The following RELN variants were observed in gnomAD, a reference collection of about 807,000 sequenced individuals.
The protein encoded by RELN is reelin.
Under a neutral mutation model 427.6 loss-of-function variants are expected in RELN, and 108 were observed. The observed-to-expected ratio is 0.25, with a 90% CI of 0.22 to 0.30. The LOEUF is 0.30. RELN is among the 10% of genes least tolerant of loss of function. RELN has a pLI of 1.00. For missense variants in RELN, 3,715 were observed against 4,302.8 expected, an observed-to-expected ratio of 0.86 and a Z score of 3.82; for synonymous variants, 1,524 against 1,513.4, an observed-to-expected ratio of 1.01 and a Z score of -0.16.
chr7:103,731,783 G>A (rs1286907178), intron 6 of RELN, among the ~76,000 whole-genome samples: 1 of 152,054 alleles, frequency 6.6e-6, no homozygotes. Context: ...AAAACCTAAT[G>A]TAAGCCACTT....
intron 43 of RELN, among the ~76,000 whole-genome samples, chr7:103,541,248 A>G (rs1019450141): frequency 6.6e-6 from 1 of 152,160 alleles, no homozygotes; most frequent in Admixed American, 6.5e-5. Context: ...AAACTAGCTC[A>G]CATGTTATCT....
intron 46 of RELN, among the ~76,000 whole-genome samples, chr7:103,533,977 T>G (rs1051649964): frequency 1.3e-5 from 2 of 152,140 alleles, no homozygotes; most frequent in African/African-American, 4.8e-5. Context: ...CAACAAAATC[T>G]CACGTATCTC....
At chr7:103,945,559 G>C (rs1047649550) in intron 1 of RELN, among the ~76,000 whole-genome samples, 1 of 152,088 alleles carries the variant, frequency 6.6e-6, no homozygotes, top group Non-Finnish European at 1.5e-5. Context: ...CAAGCCACAT[G>C]ATACTTCCTT....
intron 40 of RELN, 73 bp from the exon 41 acceptor site, chr7:103,551,369 A>T: frequency 3.8e-6 from 4 of 1,042,488 alleles, no homozygotes; most frequent in Non-Finnish European, 5.8e-6. Context: ...CCACTTCATT[A>T]TTTTCTAGGG....
intron 4 of RELN, among the ~76,000 whole-genome samples, chr7:103,761,563 C>T (rs1791299053): frequency 6.6e-6 from 1 of 152,074 alleles, no homozygotes; most frequent in South Asian, 2.1e-4. Flanking sequence ...AATGATCCTC[C>T]TGCCTCAGCC....
At chr7:103,494,476 G>C (rs1297916074) in intron 57 of RELN, among the ~76,000 whole-genome samples, 1 of 151,390 alleles carries the variant, frequency 6.6e-6, no homozygotes, top group African/African-American at 2.4e-5. Context: ...CTGGGCTCGA[G>C]TGATTCTTGT....
intron 8 of RELN, among the ~76,000 whole-genome samples, chr7:103,716,687 T>G (rs1789946880): frequency 6.6e-6 from 1 of 152,212 alleles, no homozygotes. Context: ...TGTGCCAAAT[T>G]CTGTCTTATA....
chr7:103,739,194 C>T (rs1322161713), intron 6 of RELN, among the ~76,000 whole-genome samples: 1 of 152,114 alleles, frequency 6.6e-6, no homozygotes, highest in Non-Finnish European at 1.5e-5. Context: ...AAGAATTTCC[C>T]CATTCACATA....
chr7:103,491,515 C>T lies in RELN; in HGVS notation c.9443+438G>A, dbSNP rs185582470. Among the ~76,000 whole-genome samples the T allele has an allele frequency of 3.9e-3, 595 of 152,046 alleles. 3 individuals carry two copies. Among genetic ancestry groups the T allele is most frequent in the Non-Finnish European group, 6.1e-3 (418 of 67,978 alleles). On this transcript the variant is annotated intron_variant, in intron 58 of 64. Transcript: ENST00000428762. ...AGTGAAATTTATATAAAAATATGCA[C>T]GAACTACCACTTTTAAGATATAGGG...
chr7:103,529,567 G>A (rs1317751806), intron 46 of RELN, among the ~76,000 whole-genome samples: 1 of 152,010 alleles, frequency 6.6e-6, no homozygotes, highest in Non-Finnish European at 1.5e-5. Context: ...GGTTAGTAAG[G>A]TGGAGGAGGC....
intron 59 of RELN, 40 bp downstream of exon 59, chr7:103,490,628 C>A: frequency 6.2e-7 from 1 of 1,605,120 alleles, no homozygotes; most frequent in Non-Finnish European, 8.5e-7. Flanking sequence ...TGTAGAGAGG[C>A]CAGATAATTT....
At chr7:103,839,209 T>C (rs1280877764) in intron 2 of RELN, among the ~76,000 whole-genome samples, 1 of 151,884 alleles carries the variant, frequency 6.6e-6, no homozygotes, top group African/African-American at 2.4e-5. Context: ...AAATAACCTA[T>C]CCTCTCACTC....
chr7:103,694,268 T>A (rs1267998199), intron 10 of RELN, among the ~76,000 whole-genome samples: 4 of 152,132 alleles, frequency 2.6e-5, no homozygotes, highest in African/African-American at 9.7e-5. Context: ...AGTTACTCAC[T>A]ACTTGTGACA....
At position 103,917,067 on chromosome 7, in the gene RELN, T is replaced by C. The variant is rs779117982; in HGVS notation, c.337+8A>G. The stretch of plus-strand genomic sequence containing the variant: ...CCCCCAAATTTCTGGTTTGTGAGAA[T>C]AGCTTACCAAATCCGAAAGCACTGG... On this transcript the variant is annotated splice_region_variant and intron_variant, in intron 2 of 64. Coordinates refer to ENST00000428762, the MANE Select transcript of RELN (RefSeq NM_005045.4). 1.2e-5 allele frequency: 20 copies of C among 1,607,152 alleles called. No individual in the cohort carries two copies. The highest frequency in any genetic ancestry group is 1.6e-5 in the Non-Finnish European group (19 of 1,173,904).
chr7:103,664,146 A>C (rs1833205038), intron 11 of RELN, among the ~76,000 whole-genome samples: 1 of 152,230 alleles, frequency 6.6e-6, no homozygotes, highest in Admixed American at 6.5e-5. Context: ...CTAGTCAAAC[A>C]AAAACCTTCC....
chr7:103,667,909 A>G (rs1833305958), intron 11 of RELN, among the ~76,000 whole-genome samples: 1 of 152,338 alleles, frequency 6.6e-6, no homozygotes, highest in Middle Eastern at 3.4e-3. Flanking sequence ...GGCAACAGAT[A>G]TCAAAGGAGA....
intron 5 of RELN, among the ~76,000 whole-genome samples, chr7:103,752,220 G>T (rs1791020951): frequency 6.6e-6 from 1 of 152,130 alleles, no homozygotes; most frequent in Admixed American, 6.5e-5. Context: ...GCACAGAGAG[G>T]TTAAGTAACT....
At chr7:103,648,918 T>C (rs933939723) in intron 16 of RELN, among the ~76,000 whole-genome samples, 2 of 151,938 alleles carry the variant, frequency 1.3e-5, no homozygotes, top group Admixed American at 1.3e-4. Context: ...ATGGGTATCA[T>C]TAAAAAGTAA....
Position 103,910,955 on chromosome 7 carries a change from T to C in RELN, c.337+6120A>G, listed in dbSNP as rs894006784. ...GACATAGGCATGGGCAAGGACTTCA[T>C]GTCCAAAACACCAAAAGCAATGGCA... On this transcript the variant is annotated intron_variant, in intron 2 of 64. Coordinates refer to ENST00000428762, the MANE Select transcript of RELN (RefSeq NM_005045.4). Among the ~76,000 whole-genome samples the C allele has an allele frequency of 7.6e-3, 1,063 of 139,694 alleles. 20 individuals carry two copies. Among genetic ancestry groups the C allele is most frequent in the Non-Finnish European group, 0.011 (762 of 67,022 alleles). 91.6% of individuals were successfully genotyped at this position (139,694 alleles called of 152,430 possible).
Sources: gnomAD v4.1 joint callset for allele counts (sites outside exome capture counted in the v4.1 genomes callset) on GRCh38, gnomAD v4.1.1 for gene constraint, MANE v1.5 for transcripts, NCBI Gene and HGNC (gene_info 2026-07-23, HGNC 2026-07-21) for gene names.